Variants in NUP210L observed in about 807,000 individuals in gnomAD.
NUP210L encodes the protein nucleoporin 210 like, also known as nuclear pore membrane glycoprotein 210-like.
NUP210L carries 74 observed loss-of-function variants against 208.5 expected under a neutral mutation model. The ratio of observed to expected loss-of-function variants is 0.35; its 90% CI spans 0.29 to 0.43. The LOEUF is 0.43. Among genes scored for constraint, NUP210L ranks in the 20% least tolerant of loss-of-function variants. The pLI is 1.00. For missense variants in NUP210L, 1,843 were observed against 2,289.4 expected (o/e 0.81, Z 3.98); for synonymous variants, 780 against 816.9 (o/e 0.95, Z 0.77).
chr1:154,103,090 AT>A (rs1206298892), intron 13 of NUP210L, among the ~76,000 whole-genome samples: 1 of 151,432 alleles, frequency 6.6e-6, no homozygotes, highest in Non-Finnish European at 1.5e-5. Flanking sequence ...AATAATAATA[AT>A]AATAATAATA....
At chr1:154,065,892 C>CAAAAAAAA (rs58053478) in intron 17 of NUP210L, among the ~76,000 whole-genome samples, 37 of 61,102 alleles carry the variant, frequency 6.1e-4, no homozygotes, top group Admixed American at 9.0e-4. Flanking sequence ...GACTCTGTCT[C>CAAAAAAAA]AAAAAAAAAA....
chr1:154,143,533 T>C, exon 3 of NUP210L: 1 of 1,613,972 alleles, frequency 6.2e-7, no homozygotes, highest in Admixed American at 1.7e-5. Context: ...TCAATGCTGT[T>C]TATCACATCA....
At chr1:154,052,032 C>T (rs947008213) in intron 25 of NUP210L, among the ~76,000 whole-genome samples, 2 of 152,192 alleles carry the variant, frequency 1.3e-5, no homozygotes, top group African/African-American at 4.8e-5. Context: ...GAAACAGGGA[C>T]TACGGGACCC....
chr1:154,072,327 C>CTTTTTTTTTTTTTTTTTTT (rs1213732819), intron 16 of NUP210L, among the ~76,000 whole-genome samples: 1 of 80,248 alleles, frequency 1.2e-5, no homozygotes, highest in African/African-American at 4.3e-5. Flanking sequence ...ATGGCCATTC[C>CTTTTTTTTTTTTTTTTTTT]TTTTTTTTTT....
intron 23 of NUP210L, among the ~76,000 whole-genome samples, chr1:154,055,130 TC>T (rs1419488174): frequency 2.4e-5 from 1 of 42,380 alleles, no homozygotes; most frequent in Non-Finnish European, 4.5e-5. Context: ...TTCTTTTCTT[TC>T]TTTCTTTCTT....
At chr1:154,149,265 T>C (rs1215418322) in intron 2 of NUP210L, among the ~76,000 whole-genome samples, 4 of 152,152 alleles carry the variant, frequency 2.6e-5, no homozygotes, top group African/African-American at 9.6e-5. Context: ...TTTGTATTTT[T>C]AGTAGAGACG....
At chr1:154,122,493 A>G (rs776846389) in intron 10 of NUP210L, among the ~76,000 whole-genome samples, 1 of 152,076 alleles carries the variant, frequency 6.6e-6, no homozygotes, top group South Asian at 2.1e-4. Flanking sequence ...CGTTTCTACT[A>G]AAAATACAAA....
intron 10 of NUP210L, among the ~76,000 whole-genome samples, chr1:154,119,729 A>G (rs1168039944): frequency 2.6e-5 from 4 of 152,254 alleles, no homozygotes; most frequent in Non-Finnish European, 5.9e-5. Context: ...CTGAGGGACA[A>G]TTGTATTTAG....
intron 16 of NUP210L, among the ~76,000 whole-genome samples, chr1:154,075,507 C>T (rs1214059873): frequency 5.3e-5 from 8 of 151,778 alleles, no homozygotes; most frequent in Non-Finnish European, 1.5e-5. Context: ...TTTTAGTGGC[C>T]ACATAGGTCA....
chr1:154,109,472 A>G (rs963884565), intron 12 of NUP210L, among the ~76,000 whole-genome samples: 2 of 151,596 alleles, frequency 1.3e-5, no homozygotes, highest in African/African-American at 4.9e-5. Context: ...ACTTTCAACA[A>G]TGAACAGATT....
chr1:154,048,218 T>C (rs1557939221), intron 25 of NUP210L, among the ~76,000 whole-genome samples: 1 of 152,148 alleles, frequency 6.6e-6, no homozygotes, highest in Non-Finnish European at 1.5e-5. Context: ...TCCAGATCTT[T>C]CTTTTCCAGA....
rs1455086331 is a variant in NUP210L at position 154,064,703 on chromosome 1, T to C, written c.2555-3029A>G. Among the ~76,000 whole-genome samples, 3 of 152,172 alleles carry C rather than the reference T, an allele frequency of 2.0e-5. No homozygotes were observed. The East Asian group carries it at 5.8e-4, about 29-fold the overall frequency. On this transcript the variant is annotated intron_variant, in intron 17 of 39. Coordinates refer to ENST00000368559, the Ensembl canonical transcript of NUP210L. ...CATCTCCAGTGCCTAGCAGAGGACC[T>C]TACATGTAGCCTTTCAATAAATATT... is the stretch of plus-strand genomic sequence containing the variant.
At chr1:154,072,402 G>A (rs527595556) in intron 16 of NUP210L, among the ~76,000 whole-genome samples, 239 of 130,758 alleles carry the variant, frequency 1.8e-3, no homozygotes, top group Admixed American at 3.8e-3. Flanking sequence ...GTGAGATCTC[G>A]GCTCACTGCA....
In NUP210L at chr1:154,115,059, A is replaced by C. The variant is rs539094325; in HGVS notation, c.1620+2666T>G. On this transcript the variant is annotated intron_variant, in intron 12 of 39. Coordinates refer to ENST00000368559, the Ensembl canonical transcript of NUP210L. ...TTCCTGCTATTCTCAATACCATCTC[A>C]CTAGTTCAAGCTTAACTGAAGTTTT... 1.2e-3 allele frequency among the ~76,000 whole-genome samples: 177 copies of C among 152,216 alleles called. 2 individuals are homozygous for C. Among genetic ancestry groups the C allele is most frequent in the Non-Finnish European group, 2.1e-3 (145 of 68,002 alleles).
At chr1:154,117,597 A>T in intron 12 of NUP210L, 128 bp downstream of exon 12, 1 of 723,390 alleles carries the variant, frequency 1.4e-6, no homozygotes, top group Non-Finnish European at 2.2e-6. Context: ...AAAAAAAAGT[A>T]TTTCTTGACT....
intron 38 of NUP210L, among the ~76,000 whole-genome samples, chr1:153,994,322 C>CT (rs962956136): frequency 5.0e-4 from 75 of 148,898 alleles, no homozygotes; most frequent in African/African-American, 1.5e-3. Context: ...AGTTGAGGAC[C>CT]TTTTTTTTTT....
intron 10 of NUP210L, among the ~76,000 whole-genome samples, chr1:154,125,961 G>A (rs1657943341): frequency 6.6e-6 from 1 of 150,602 alleles, no homozygotes; most frequent in Non-Finnish European, 1.5e-5. Flanking sequence ...GTAGAGACGG[G>A]GTTTCACCGT....
chr1:154,106,419 G>A (rs1236999336), intron 12 of NUP210L, among the ~76,000 whole-genome samples: 1 of 152,160 alleles, frequency 6.6e-6, no homozygotes, highest in Non-Finnish European at 1.5e-5. Context: ...CCTGCCCTGG[G>A]CTGGTGAGGA....
At chr1:154,055,139 C>CTT (rs1371852244) in intron 23 of NUP210L, among the ~76,000 whole-genome samples, 1 of 91,082 alleles carries the variant, frequency 1.1e-5, no homozygotes, top group Non-Finnish European at 2.1e-5. Flanking sequence ...TTCTTTCTTT[C>CTT]TTTCTTTCTT....
Sources: gnomAD v4.1 joint callset for allele counts (sites outside exome capture counted in the v4.1 genomes callset) on GRCh38, gnomAD v4.1.1 for gene constraint, MANE v1.5 for transcripts, NCBI Gene and HGNC (gene_info 2026-07-23, HGNC 2026-07-21) for gene names.